Variants in SETBP1 observed in about 807,000 individuals in gnomAD.
SETBP1 encodes SET-binding protein.
A neutral mutation model predicts 101.0 loss-of-function variants in SETBP1; 9 were observed. That is an observed-to-expected ratio of 0.09 (90% CI 0.05 to 0.16). The LOEUF is 0.16. Among genes scored for constraint, SETBP1 ranks in the 10% least tolerant of loss-of-function variants. The pLI is 1.00. For missense variants in SETBP1, 1,858 were observed against 2,033.8 expected, an observed-to-expected ratio of 0.91 and a Z score of 1.66; for synonymous variants, 818 against 788.5, an observed-to-expected ratio of 1.04 and a Z score of -0.63.
chr18:44,951,733 A>G lies in SETBP1; in HGVS notation c.2393A>G (p.Asn798Ser), dbSNP rs1184811343. 3 of 1,613,970 alleles carry G rather than the reference A, an allele frequency of 1.9e-6. No homozygotes were observed. Among genetic ancestry groups the G allele is most frequent in the Admixed American group, 1.7e-5 (1 of 60,000 alleles). Residue 798 changes from asparagine (N) to serine (S), a missense_variant, in exon 4 of 6, where the codon AAT becomes AGT. By Grantham distance (46) the Asn-to-Ser change is conservative. Coordinates refer to ENST00000649279, the MANE Select transcript of SETBP1 (RefSeq NM_015559.3). The surrounding 1 kb of genome is among the most constrained non-coding windows in gnomAD (Gnocchi z 7.8). Reference protein sequence around the residue: ...GNLSPASTETNFSELKTMPNL... With the variant: ...GNLSPASTETSFSELKTMPNL... ...CTGAGCCCTGCCAGCACTGAAACCA[A>G]TTTTTCAGAGTTGAAAACTATGCCA...
At chr18:44,917,784 C>G (rs1309270030) in intron 3 of SETBP1, among the ~76,000 whole-genome samples, 1 of 152,162 alleles carries the variant, frequency 6.6e-6, no homozygotes, top group Non-Finnish European at 1.5e-5. Flanking sequence ...GGCTTCAGCA[C>G]TCAAAGCCCG....
chr18:45,032,698 C>T lies in SETBP1; in HGVS notation c.4001-5787C>T, dbSNP rs142217835. Among the ~76,000 whole-genome samples, 410 of 152,240 alleles carry T rather than the reference C, an allele frequency of 2.7e-3. 4 individuals carry two copies. Among genetic ancestry groups the T allele is most frequent in the African/African-American group, 9.1e-3 (380 of 41,540 alleles). ...CCCCAAGCTATGAGACCCTGGGGTT[C>T]ACGTGCACACAGAAAGCTGTGTCTT... On this transcript the variant is annotated intron_variant, in intron 4 of 5. Transcript: ENST00000649279.
intron 4 of SETBP1, among the ~76,000 whole-genome samples, chr18:45,009,145 C>T (rs2072786856): frequency 6.6e-6 from 1 of 152,118 alleles, no homozygotes; most frequent in South Asian, 2.1e-4. Flanking sequence ...ACCCACAGGG[C>T]ACCGGAAGGA....
chr18:45,025,265 G>A (rs895076920), intron 4 of SETBP1, among the ~76,000 whole-genome samples: 2 of 152,172 alleles, frequency 1.3e-5, no homozygotes, highest in Non-Finnish European at 1.5e-5. Context: ...GGCTTTATTA[G>A]TGAAGTAAGC....
rs368994960 is a variant in SETBP1, at chr18:45,038,410, C to T, written c.4001-75C>T. ...AAATCATTTGACCATTTCCTCAGATCATGTCCAGGTTACATGTTGTCTATC... is the reference window on the plus strand; with the variant it reads ...AAATCATTTGACCATTTCCTCAGATTATGTCCAGGTTACATGTTGTCTATC... On this transcript the variant is annotated intron_variant, in intron 4 of 5. Transcript: ENST00000649279. 104 of 1,323,106 alleles carry T rather than the reference C, an allele frequency of 7.9e-5. No individual in the cohort carries two copies. In the African/African-American group the frequency reaches 1.5e-3, roughly 19 times the overall value. The allele number at this position is 1,323,106 out of a possible 1,614,324, so 82.0% of individuals were successfully genotyped here.
At chr18:44,750,532 A>G (rs957649034) in intron 2 of SETBP1, among the ~76,000 whole-genome samples, 1 of 152,188 alleles carries the variant, frequency 6.6e-6, no homozygotes, top group Non-Finnish European at 1.5e-5. Context: ...TTGGGAACCA[A>G]TTTAAATTAG....
intron 5 of SETBP1, among the ~76,000 whole-genome samples, chr18:45,039,162 T>A (rs1280446400): frequency 3.3e-5 from 5 of 152,170 alleles, no homozygotes; most frequent in Non-Finnish European, 5.9e-5. Flanking sequence ...AAGATAGTAA[T>A]CACTGATTTA....
At chr18:45,052,381 T>TG (rs1457424709) in intron 5 of SETBP1, among the ~76,000 whole-genome samples, 1 of 152,184 alleles carries the variant, frequency 6.6e-6, no homozygotes, top group African/African-American at 2.4e-5. Context: ...TACAAAGATA[T>TG]GAAGTGTTCA....
intron 5 of SETBP1, among the ~76,000 whole-genome samples, chr18:45,044,240 C>G (rs1599488040): frequency 6.6e-6 from 1 of 152,174 alleles, no homozygotes; most frequent in African/African-American, 2.4e-5. Flanking sequence ...TGTGCCCAGT[C>G]TAAACACTTA....
At chr18:44,943,238 ACTCT>A (rs1242758275) in intron 3 of SETBP1, among the ~76,000 whole-genome samples, 3 of 152,022 alleles carry the variant, frequency 2.0e-5, no homozygotes, top group Admixed American at 2.0e-4. Flanking sequence ...GAACCGTTTC[ACTCT>A]CTCTATCTCT....
At chr18:44,918,565 T>C (rs1461426906) in intron 3 of SETBP1, among the ~76,000 whole-genome samples, 1 of 152,206 alleles carries the variant, frequency 6.6e-6, no homozygotes, top group Non-Finnish European at 1.5e-5. Context: ...GAGGCAGAGA[T>C]GGGTGGCCCT....
At chr18:44,706,491 G>A (rs1290796650) in intron 2 of SETBP1, among the ~76,000 whole-genome samples, 1 of 149,886 alleles carries the variant, frequency 6.7e-6, no homozygotes, top group Non-Finnish European at 1.5e-5. Flanking sequence ...GGGAGGCTGA[G>A]GCAGGAGAAT....
chr18:44,690,288 C>A (rs1331327491), intron 1 of SETBP1, among the ~76,000 whole-genome samples: 1 of 152,142 alleles, frequency 6.6e-6, no homozygotes, highest in African/African-American at 2.4e-5. Context: ...GGAAGTGGAG[C>A]TGATATTTGT....
chr18:44,698,986 T>C (rs1022704703), intron 1 of SETBP1, among the ~76,000 whole-genome samples: 3 of 152,206 alleles, frequency 2.0e-5, no homozygotes, highest in Non-Finnish European at 2.9e-5. Flanking sequence ...ATGGAAGATA[T>C]TTTCTTAATA....
At chr18:44,743,667 G>A (rs566932889) in intron 2 of SETBP1, among the ~76,000 whole-genome samples, 30 of 152,308 alleles carry the variant, frequency 2.0e-4, no homozygotes, top group African/African-American at 7.0e-4. Context: ...GCTAAAATTA[G>A]GGGTCAAGGG....
intron 3 of SETBP1, chr18:44,869,687 A>G (rs1001831019): frequency 1.3e-5 from 4 of 306,772 alleles, no homozygotes; most frequent in African/African-American, 4.3e-5. Flanking sequence ...AATGCCTCCT[A>G]GTCAAGGCCT....
chr18:44,816,446 C>T (rs997345533), intron 2 of SETBP1, among the ~76,000 whole-genome samples: 8 of 152,120 alleles, frequency 5.3e-5, no homozygotes, highest in African/African-American at 1.9e-4. Context: ...GGGAGGGAGC[C>T]CTTTGGGGCG....
chr18:44,980,159 A>G (rs552912639), intron 4 of SETBP1, among the ~76,000 whole-genome samples: 1 of 152,364 alleles, frequency 6.6e-6, no homozygotes. Flanking sequence ...TATAGAATGA[A>G]GCAGATTGAG....
At chr18:44,896,529 T>A (rs890547949) in intron 3 of SETBP1, among the ~76,000 whole-genome samples, 1 of 152,106 alleles carries the variant, frequency 6.6e-6, no homozygotes, top group Non-Finnish European at 1.5e-5. Context: ...GTTTGTTGGA[T>A]TTTTTCCGGC....
Sources: gnomAD v4.1 joint callset for allele counts (sites outside exome capture counted in the v4.1 genomes callset) on GRCh38, gnomAD v4.1.1 for gene constraint, Gnocchi (gnomAD v3.1) non-coding constraint, MANE v1.5 for transcripts, NCBI Gene and HGNC (gene_info 2026-07-23, HGNC 2026-07-21) for gene names.